REV3L: variants seen among roughly 807,000 people sequenced by gnomAD.
REV3L encodes the protein DNA polymerase zeta catalytic subunit.
REV3L carries 69 observed loss-of-function variants against 299.4 expected under a neutral mutation model. That is an observed-to-expected ratio of 0.23 (90% CI 0.19 to 0.28). The LOEUF (loss-of-function observed/expected upper bound fraction) is 0.28. Ranked by LOEUF, REV3L falls within the 10% of genes least tolerant of loss-of-function variation. The pLI, the probability that REV3L is intolerant of heterozygous loss-of-function variation, is 1.00. For synonymous variants in REV3L, 1,238 were observed against 1,271.4 expected (o/e 0.97, Z 0.56); for missense variants, 3,128 against 3,693.8 (o/e 0.85, Z 3.97).
chr6:111,358,734 C>T (rs986382176), intron 17 of REV3L, 88 bp downstream of exon 17: 11 of 1,030,416 alleles, frequency 1.1e-5, no homozygotes, highest in Non-Finnish European at 1.4e-5. Context: ...ATCATGCTTG[C>T]TTAGATTAGA....
chr6:111,370,561 T>C (rs999973517), intron 13 of REV3L, among the ~76,000 whole-genome samples: 17 of 152,196 alleles, frequency 1.1e-4, no homozygotes, highest in Admixed American at 7.2e-4. Context: ...TATAGTAAAA[T>C]GGTTCTTACA....
chr6:111,461,076 GA>G lies in REV3L; in HGVS notation c.139+21673del, dbSNP rs537239360. On this transcript the variant is annotated intron_variant, in intron 1 of 31. Coordinates refer to ENST00000368802, the MANE Select transcript of REV3L (RefSeq NM_001372078.1). ...TATTATATACTTTATCATTATTTTA[GA>G]ATGTACTCCTACTTACATAAAAAGG... Among the ~76,000 whole-genome samples the G allele has an allele frequency of 2.7e-3, 417 of 152,204 alleles. 4 individuals are homozygous for G. Among genetic ancestry groups the G allele is most frequent in the South Asian group, 4.4e-3 (21 of 4,826 alleles).
At position 111,331,716 on chromosome 6, in the gene REV3L, T is replaced by C. The variant is rs949524913; in HGVS notation, c.7994A>G (p.His2665Arg). The C allele has an allele frequency of 3.7e-6, 6 of 1,613,318 alleles. No homozygotes were observed. The South Asian group carries it at 5.5e-5, about 15-fold the overall frequency. The change falls in exon 24 of 32, where the codon CAT becomes CGT. Residue 2665 changes from histidine to arginine, a missense_variant. Physicochemically the swap from His to Arg is conservative, Grantham distance 29. Around this residue, in one of 9 missense-constraint regions of REV3L, gnomAD observed 149 missense variants for 286.4 expected, o/e 0.52. Coordinates refer to ENST00000368802, the MANE Select transcript of REV3L (RefSeq NM_001372078.1). Reference sequence around the variant, plus strand: ...TCCATTGGGGGACACTGTGATATCATGCCTAACTTGGTAAAGTAAATCTGG... The same window carrying C: ...TCCATTGGGGGACACTGTGATATCACGCCTAACTTGGTAAAGTAAATCTGG... ...VPPDLLYQVRHDITVSPNGVA... is the reference protein window; with the variant it reads ...VPPDLLYQVRRDITVSPNGVA...
chr6:111,339,205 CTG>C (rs1193364353), intron 21 of REV3L, among the ~76,000 whole-genome samples: 1 of 152,102 alleles, frequency 6.6e-6, no homozygotes, highest in Non-Finnish European at 1.5e-5. Flanking sequence ...TGAGAGCCTT[CTG>C]TGTGTTGAAG....
At position 111,321,222 on chromosome 6, in the gene REV3L, A is replaced by G. The variant is rs577914518; in HGVS notation, c.8351+1347T>C. Among the ~76,000 whole-genome samples, 229 of 152,298 alleles carry G rather than the reference A, an allele frequency of 1.5e-3. 1 individual carries two copies. Among genetic ancestry groups the G allele is most frequent in the Non-Finnish European group, 2.5e-3 (171 of 68,028 alleles). On this transcript the variant is annotated intron_variant, in intron 26 of 31. Coordinates refer to ENST00000368802, the MANE Select transcript of REV3L (RefSeq NM_001372078.1). ...CCCCAAGTATGAAAACTGCTGGCCT[A>G]AATAATATCAAAATCCCTTCCGGCT...
chr6:111,430,296 T>G (rs1449633901), intron 1 of REV3L: 1 of 1,083,016 alleles, frequency 9.2e-7, no homozygotes, highest in East Asian at 2.4e-5. Context: ...AGTGCTTTCT[T>G]TCATTTCCTG....
intron 21 of REV3L, among the ~76,000 whole-genome samples, chr6:111,343,134 T>C (rs921878016): frequency 3.3e-5 from 5 of 152,196 alleles, no homozygotes; most frequent in East Asian, 3.8e-4. Flanking sequence ...CAAATCTTTA[T>C]TGCAGTTTTA....
intron 10 of REV3L, among the ~76,000 whole-genome samples, chr6:111,380,613 T>C (rs767954217): frequency 6.6e-6 from 1 of 152,188 alleles, no homozygotes; most frequent in Non-Finnish European, 1.5e-5. Context: ...AACAACATCA[T>C]AGATACTGGC....
intron 13 of REV3L, among the ~76,000 whole-genome samples, chr6:111,369,076 T>C (rs1779513964): frequency 1.3e-5 from 2 of 152,072 alleles, no homozygotes; most frequent in African/African-American, 2.4e-5. Context: ...TTAATGCTGT[T>C]GAAGGAAATG....
chr6:111,417,369 G>A (rs1280468163), intron 1 of REV3L, among the ~76,000 whole-genome samples: 1 of 152,202 alleles, frequency 6.6e-6, no homozygotes, highest in East Asian at 1.9e-4. Context: ...GTATGGAAGT[G>A]GTTACTGTCC....
At chr6:111,471,523 T>C (rs986754240) in intron 1 of REV3L, among the ~76,000 whole-genome samples, 5 of 152,234 alleles carry the variant, frequency 3.3e-5, no homozygotes, top group African/African-American at 1.2e-4. Context: ...TGAGGTAATG[T>C]AGCAGATTCT....
At chr6:111,422,577 C>CATATATATATATAT (rs1198058626) in intron 1 of REV3L, among the ~76,000 whole-genome samples, 2 of 20,626 alleles carry the variant, frequency 9.7e-5, no homozygotes, top group African/African-American at 1.6e-4. Context: ...TATATATATA[C>CATATATATATATAT]ACATATATAT....
At position 111,367,611 on chromosome 6, in the gene REV3L, T is replaced by C. The variant is rs1271135143; in HGVS notation, c.6177A>G (p.Ile2059Met). Residue 2059 changes from isoleucine (I) to methionine (M), a missense_variant, in exon 14 of 32, where the codon ATA becomes ATG. This residue lies in a region of REV3L where 2,409 missense variants were observed against 2,611.8 expected (regional missense o/e 0.92). Coordinates refer to ENST00000368802, the MANE Select transcript of REV3L (RefSeq NM_001372078.1). ...CCTTGGTATGTGCTGTAGTGGGGAG[T>C]ATACATGGACTTACATCCATTTTTG... ...VPPKMDVSPC[I>M]LPTTAHTKED... 1.9e-6 allele frequency: 3 copies of C among 1,614,046 alleles called. No homozygotes were observed. The highest frequency in any genetic ancestry group is 2.5e-6 in the Non-Finnish European group (3 of 1,180,000).
chr6:111,429,354 T>C (rs1786578772), intron 1 of REV3L, among the ~76,000 whole-genome samples: 1 of 151,980 alleles, frequency 6.6e-6, no homozygotes, highest in Non-Finnish European at 1.5e-5. Flanking sequence ...GCTAAGAGAA[T>C]TCACCACCAC....
intron 1 of REV3L, among the ~76,000 whole-genome samples, chr6:111,475,408 G>A (rs1466170054): frequency 6.6e-6 from 1 of 152,144 alleles, no homozygotes; most frequent in Non-Finnish European, 1.5e-5. Context: ...ATAAATCTGT[G>A]TTTTAATTTT....
chr6:111,435,553 T>C (rs1478567773), intron 1 of REV3L, among the ~76,000 whole-genome samples: 1 of 151,942 alleles, frequency 6.6e-6, no homozygotes, highest in African/African-American at 2.4e-5. Flanking sequence ...AAACATACAA[T>C]GGGGAAAAAA....
At chr6:111,415,797 C>T (rs1206887122) in intron 2 of REV3L, among the ~76,000 whole-genome samples, 1 of 152,144 alleles carries the variant, frequency 6.6e-6, no homozygotes, top group Non-Finnish European at 1.5e-5. Context: ...CCTTACCCCA[C>T]ACTACTATTC....
intron 1 of REV3L, among the ~76,000 whole-genome samples, chr6:111,426,689 C>T (rs1385729930): frequency 1.3e-5 from 2 of 152,198 alleles, no homozygotes; most frequent in Admixed American, 1.3e-4. Flanking sequence ...ATCCAAAGTT[C>T]ATAAGCAATT....
chr6:111,451,969 T>C (rs561107071), intron 1 of REV3L, among the ~76,000 whole-genome samples: 2 of 151,822 alleles, frequency 1.3e-5, no homozygotes, highest in Admixed American at 6.6e-5. Context: ...AAAACATGTA[T>C]CTGATAAAGG....
Sources: gnomAD v4.1 joint callset for allele counts (sites outside exome capture counted in the v4.1 genomes callset) on GRCh38, gnomAD v4.1.1 for gene constraint, gnomAD v4.1.1 regional missense constraint, MANE v1.5 for transcripts, NCBI Gene and HGNC (gene_info 2026-07-23, HGNC 2026-07-21) for gene names.